Variants in LIN52 observed in about 807,000 individuals in gnomAD.
LIN52 encodes the protein lin-52 DREAM MuvB core complex component.
LIN52 carries 4 observed loss-of-function variants against 18.5 expected under a neutral mutation model. That is an observed-to-expected ratio of 0.22 (90% CI 0.11 to 0.49). The LOEUF (loss-of-function observed/expected upper bound fraction) is 0.49, where lower values mean the gene tolerates loss of function less well. Ranked by LOEUF, LIN52 falls within the 20% of genes least tolerant of loss-of-function variation. LIN52 has a pLI of 0.97. For missense variants in LIN52, 102 were observed against 139.5 expected, an observed-to-expected ratio of 0.73 and a Z score of 1.35; for synonymous variants, 34 against 45.5, an observed-to-expected ratio of 0.75 and a Z score of 1.02.
At chr14:74,158,897 A>G (rs192625870) in intron 5 of LIN52, among the ~76,000 whole-genome samples, 1 of 152,376 alleles carries the variant, frequency 6.6e-6, no homozygotes, top group East Asian at 1.9e-4. Flanking sequence ...ACAAAATTTC[A>G]GAATTTTCTT....
chr14:74,101,277 A>G (rs1473728131), intron 5 of LIN52, 39 bp downstream of exon 5: 1 of 1,432,898 alleles, frequency 7.0e-7, no homozygotes, highest in Non-Finnish European at 9.5e-7. Context: ...GGTGTATTCC[A>G]CCCTGAGCTG....
chr14:74,100,731 C>G (rs977749754), intron 4 of LIN52, among the ~76,000 whole-genome samples: 6 of 152,150 alleles, frequency 3.9e-5, no homozygotes, highest in African/African-American at 1.4e-4. Flanking sequence ...CCGCCTTGGC[C>G]TCCCAAAGTG....
intron 1 of LIN52, 115 bp downstream of exon 1, chr14:74,085,108 C>T (rs1458966952): frequency 3.8e-6 from 4 of 1,039,060 alleles, no homozygotes; most frequent in Non-Finnish European, 5.2e-6. Flanking sequence ...TTCTCCTTTC[C>T]CTTTTATTTT....
chr14:74,138,756 T>G (rs1260257411), intron 5 of LIN52, among the ~76,000 whole-genome samples: 5 of 128,468 alleles, frequency 3.9e-5, no homozygotes, highest in African/African-American at 1.5e-4. Context: ...GGAGACAGAG[T>G]GAGACCCTGC....
At chr14:74,198,216 C>G (rs1417383576) in intron 5 of LIN52, among the ~76,000 whole-genome samples, 1 of 152,156 alleles carries the variant, frequency 6.6e-6, no homozygotes, top group Non-Finnish European at 1.5e-5. Context: ...GTTTTACTTT[C>G]ATTTTGGAGC....
intron 5 of LIN52, among the ~76,000 whole-genome samples, chr14:74,167,849 T>TA (rs1181501416): frequency 6.6e-6 from 1 of 152,188 alleles, no homozygotes; most frequent in East Asian, 1.9e-4. Flanking sequence ...TTTCTTTTAC[T>TA]TACAGTTATT....
intron 5 of LIN52, among the ~76,000 whole-genome samples, chr14:74,168,235 A>C (rs763700065): frequency 6.6e-6 from 1 of 152,260 alleles, no homozygotes; most frequent in African/African-American, 2.4e-5. Flanking sequence ...GCCAGTGTCC[A>C]TCTTGAATTG....
intron 5 of LIN52, among the ~76,000 whole-genome samples, chr14:74,101,703 G>A (rs1268978602): frequency 5.3e-5 from 8 of 151,986 alleles, no homozygotes; most frequent in African/African-American, 1.7e-4. Flanking sequence ...CTCGTGATCC[G>A]CCCGCCTCGG....
chr14:74,150,147 T>G (rs2061170497), intron 5 of LIN52, among the ~76,000 whole-genome samples: 1 of 152,200 alleles, frequency 6.6e-6, no homozygotes, highest in African/African-American at 2.4e-5. Flanking sequence ...CTCAGTAATT[T>G]TTATGCTATG....
At chr14:74,091,620 A>G (rs1283996773) in intron 2 of LIN52, among the ~76,000 whole-genome samples, 1 of 151,842 alleles carries the variant, frequency 6.6e-6, no homozygotes, top group East Asian at 1.9e-4. Flanking sequence ...AAAAAAATAG[A>G]AATATTAGCT....
At position 74,156,989 on chromosome 14, in the gene LIN52, T is replaced by G. The variant is rs143333027; in HGVS notation, c.284-41933T>G. ...AATGACCAAATTTCATTCTTTTGTA[T>G]GGCTAAGTAGTATTTCATTATGTAT... On this transcript the variant is annotated intron_variant, in intron 5 of 5. Transcript: ENST00000555028. Among the ~76,000 whole-genome samples, 61 of 152,182 alleles carry G rather than the reference T, an allele frequency of 4.0e-4. No individual in the cohort carries two copies. The Middle Eastern group carries it at 0.01, about 26-fold the overall frequency.
chr14:74,155,523 G>T (rs1197719719), intron 5 of LIN52, among the ~76,000 whole-genome samples: 1 of 152,142 alleles, frequency 6.6e-6, no homozygotes, highest in Non-Finnish European at 1.5e-5. Flanking sequence ...GAAAGGGGGT[G>T]GGGGATCTGA....
intron 5 of LIN52, among the ~76,000 whole-genome samples, chr14:74,121,777 G>C (rs1170963155): frequency 6.7e-6 from 1 of 149,456 alleles, no homozygotes; most frequent in Non-Finnish European, 1.5e-5. Flanking sequence ...AGGCTGGGGT[G>C]CAGTGGCGCC....
chr14:74,112,954 T>G (rs1389262587), intron 5 of LIN52, among the ~76,000 whole-genome samples: 1 of 152,180 alleles, frequency 6.6e-6, no homozygotes, highest in Non-Finnish European at 1.5e-5. Flanking sequence ...GCAGATAAAC[T>G]TCATTTTATT....
intron 5 of LIN52, among the ~76,000 whole-genome samples, chr14:74,191,216 A>T (rs1420212880): frequency 1.3e-5 from 2 of 152,226 alleles, no homozygotes; most frequent in East Asian, 3.8e-4. Context: ...TTCTCTGCCA[A>T]TCCACCAGAA....
At position 74,101,223 on chromosome 14, in the gene LIN52, C is replaced by A; in HGVS notation, c.268C>A (p.Leu90Met). Residue 90 changes from leucine (L) to methionine (M), a missense_variant, in exon 5 of 6, where the codon CTG (leucine) becomes ATG (methionine). Coordinates refer to ENST00000555028, the MANE Select transcript of LIN52 (RefSeq NM_001024674.3). ...AGGCCTACAGAACCTAGCCTATCAG[C>A]TGGGGCTGGATGAGTGTGAGTACCC... is the stretch of plus-strand genomic sequence containing the variant. ...VRGLQNLAYQ[L>M]GLDESREMTR... 6.2e-7 allele frequency: 1 copy of A among 1,609,674 alleles called. No homozygotes were observed. The highest frequency in any genetic ancestry group is 8.5e-7 in the Non-Finnish European group (1 of 1,178,508).
intron 5 of LIN52, among the ~76,000 whole-genome samples, chr14:74,116,661 A>T (rs917850355): frequency 6.6e-6 from 1 of 151,636 alleles, no homozygotes; most frequent in African/African-American, 2.4e-5. Flanking sequence ...AGCTGCCAAG[A>T]TTGTGCCACT....
In LIN52 at chr14:74,198,989, G is replaced by A. The variant is rs375113035; in HGVS notation, c.*12G>A. 147 of 1,603,340 alleles carry A rather than the reference G, an allele frequency of 9.2e-5. No homozygotes were observed. Among genetic ancestry groups the A allele is most frequent in the African/African-American group, 4.9e-4 (37 of 74,778 alleles). On this transcript the variant is annotated 3_prime_UTR_variant, in exon 6 of 6. Transcript: ENST00000555028. ...AGCCCAAGAAGTAGCAGCTGCTTGC[G>A]GACAGGATGTCCTGGGGTCCGAAAC...
chr14:74,132,943 C>T (rs950590020), intron 5 of LIN52, among the ~76,000 whole-genome samples: 4 of 151,866 alleles, frequency 2.6e-5, no homozygotes, highest in East Asian at 1.9e-4. Context: ...AAGTGTAAAA[C>T]GGACCTCAAA....
Sources: gnomAD v4.1 joint callset for allele counts (sites outside exome capture counted in the v4.1 genomes callset) on GRCh38, gnomAD v4.1.1 for gene constraint, MANE v1.5 for transcripts, NCBI Gene and HGNC (gene_info 2026-07-23, HGNC 2026-07-21) for gene names.